Variants in KANK1 observed in about 807,000 individuals in gnomAD.
The protein encoded by KANK1 is KN motif and ankyrin repeat domains 1, also known as KN motif and ankyrin repeat domain-containing protein 1.
KANK1 carries 109 observed loss-of-function variants against 106.2 expected under a neutral mutation model. That is an observed-to-expected ratio of 1.03 (90% CI 0.88 to 1.20). The LOEUF is 1.20. KANK1 is among the 50% of genes most tolerant of loss of function. The probability of loss-of-function intolerance (pLI) is 0.00; values close to 1 mark genes in which losing one functional copy is unlikely to be tolerated. For missense variants in KANK1, 2,399 were observed against 1,710.7 expected, an observed-to-expected ratio of 1.40 and a Z score of -7.10; for synonymous variants, 873 against 652.2, an observed-to-expected ratio of 1.34 and a Z score of -5.16.
chr9:566,555 C>G (rs917001749), intron 1 of KANK1, among the ~76,000 whole-genome samples: 1 of 152,202 alleles, frequency 6.6e-6, no homozygotes, highest in Non-Finnish European at 1.5e-5. Context: ...GCCATTCTGA[C>G]AGGTGCGAGA....
chr9:691,567 A>C (rs1819914419), intron 2 of KANK1, among the ~76,000 whole-genome samples: 2 of 149,928 alleles, frequency 1.3e-5, no homozygotes, highest in East Asian at 3.9e-4. Flanking sequence ...AGCCGATATT[A>C]AATCTTAGTT....
intron 2 of KANK1, among the ~76,000 whole-genome samples, chr9:688,943 C>T (rs1404992253): frequency 6.6e-6 from 1 of 152,112 alleles, no homozygotes; most frequent in Non-Finnish European, 1.5e-5. Context: ...CCACTGTTTT[C>T]TTGGGAAGGT....
intron 2 of KANK1, chr9:706,863 CT>C: frequency 1.0e-6 from 1 of 985,448 alleles, no homozygotes; most frequent in Non-Finnish European, 1.2e-6. Flanking sequence ...GACACAGACT[CT>C]TTCATGAAGC....
intron 2 of KANK1, among the ~76,000 whole-genome samples, chr9:679,005 C>T (rs1472226355): frequency 6.6e-6 from 1 of 152,170 alleles, no homozygotes; most frequent in Non-Finnish European, 1.5e-5. Flanking sequence ...TCCTTTCCAA[C>T]TTGGTTTGTT....
chr9:579,107 A>C (rs1480206418), intron 1 of KANK1, among the ~76,000 whole-genome samples: 1 of 152,206 alleles, frequency 6.6e-6, no homozygotes, highest in African/African-American at 2.4e-5. Context: ...ACAGTTTGGC[A>C]GGGAAGGCAC....
intron 1 of KANK1, among the ~76,000 whole-genome samples, chr9:514,422 A>C: frequency 6.7e-6 from 1 of 150,134 alleles, no homozygotes; most frequent in Non-Finnish European, 1.5e-5. Context: ...CCTTTACCCA[A>C]ATGGAGCCAC....
chr9:587,154 T>G (rs1823693258), intron 1 of KANK1, among the ~76,000 whole-genome samples: 1 of 152,354 alleles, frequency 6.6e-6, no homozygotes, highest in East Asian at 1.9e-4. Context: ...ACATATCGTT[T>G]TTTTCTTTAT....
At chr9:606,622 TTATATA>T (rs1829258221) in intron 1 of KANK1, among the ~76,000 whole-genome samples, 1 of 90,070 alleles carries the variant, frequency 1.1e-5, no homozygotes, top group Non-Finnish European at 3.3e-5. Flanking sequence ...GTGTATATAT[TTATATA>T]TTTATATATA....
chr9:741,114 A>G (rs1416435561), intron 9 of KANK1, among the ~76,000 whole-genome samples, 180 bp downstream of exon 9: 2 of 152,206 alleles, frequency 1.3e-5, no homozygotes, highest in Admixed American at 6.5e-5. Context: ...TACCAGGGAA[A>G]TATGGGCTTA....
In KANK1 at chr9:742,316, G is replaced by T; in HGVS notation, c.3808G>T (p.Ala1270Ser). 12 of 1,614,100 alleles carry T rather than the reference G, an allele frequency of 7.4e-6. No individual in the cohort carries two copies. The highest frequency in any genetic ancestry group is 2.2e-5 in the East Asian group (1 of 44,854). ...CATCCAGGATGACGAGGGCTCCACG[G>T]CCCTCATGTGTGCCAGCGAGCACGG... is the stretch of plus-strand genomic sequence containing the variant. ...VNIQDDEGST[A>S]LMCASEHGHV... Residue 1270 changes from alanine to serine, a missense_variant, in exon 10 of 12, where the codon GCC becomes TCC. Ala to Ser is a moderately conservative substitution (Grantham distance 99, BLOSUM62 1). Transcript: ENST00000382297.
At chr9:487,401 C>T (rs1023989981) in intron 3 of KANK1, among the ~76,000 whole-genome samples, 3 of 152,078 alleles carry the variant, frequency 2.0e-5, no homozygotes, top group Non-Finnish European at 2.9e-5. Flanking sequence ...ATGTTCTGAG[C>T]GATTTAAGGT....
chr9:492,607 TATC>T lies in KANK1; in HGVS notation c.-362+19337_-362+19339del, dbSNP rs57075254. Among the ~76,000 whole-genome samples, 1,452 of 152,296 alleles carry T rather than the reference TATC, an allele frequency of 9.5e-3. 21 individuals carry two copies. The highest frequency in any genetic ancestry group is 0.033 in the African/African-American group (1,388 of 41,544). Reference sequence around the variant, plus strand: ...TGGCATATAGAAAGTACTAAGTAAATATCATTATTTATTATTATTTGAAAAGTT... The same window carrying T: ...TGGCATATAGAAAGTACTAAGTAAATATTATTTATTATTATTTGAAAAGTT... On this transcript the variant is annotated intron_variant, in intron 3 of 15. Coordinates refer to the KANK1 transcript ENST00000382303.
chr9:524,982 C>CTTTTTT (rs35377139), intron 1 of KANK1, among the ~76,000 whole-genome samples: 1,876 of 91,902 alleles, frequency 0.02, 126 homozygotes, highest in Non-Finnish European at 0.029. Context: ...CTCTTGCTGC[C>CTTTTTT]TTTTTTTTTT....
At chr9:490,902 T>C (rs1275140802) in intron 3 of KANK1, among the ~76,000 whole-genome samples, 10 of 151,200 alleles carry the variant, frequency 6.6e-5, no homozygotes, top group Non-Finnish European at 1.5e-4. Flanking sequence ...TGGCAATAAG[T>C]GCTACGAAAA....
At chr9:668,550 T>C (rs1354858483) in intron 1 of KANK1, among the ~76,000 whole-genome samples, 4 of 152,212 alleles carry the variant, frequency 2.6e-5, no homozygotes, top group African/African-American at 7.2e-5. Flanking sequence ...ACTCTTCTCC[T>C]CCTTTCTTCC....
intron 2 of KANK1, chr9:684,574 T>G: frequency 1.0e-6 from 1 of 985,428 alleles, no homozygotes. Context: ...GACTTCTCGT[T>G]GTGAGTATTG....
At chr9:693,265 C>A in intron 2 of KANK1, 1 of 469,008 alleles carries the variant, frequency 2.1e-6, no homozygotes, top group Non-Finnish European at 2.8e-6. Context: ...AGCCTCGGTT[C>A]AGCATAAAAC....
chr9:621,606 GA>G (rs1411472926), intron 1 of KANK1, among the ~76,000 whole-genome samples: 1 of 152,156 alleles, frequency 6.6e-6, no homozygotes, highest in African/African-American at 2.4e-5. Flanking sequence ...TTCTAAGTCT[GA>G]AACTTGATAA....
At chr9:495,836 G>C (rs543512490) in intron 3 of KANK1, among the ~76,000 whole-genome samples, 1 of 152,284 alleles carries the variant, frequency 6.6e-6, no homozygotes, top group South Asian at 2.1e-4. Context: ...TCAGTTGTTT[G>C]AAACCTGCTG....
Sources: allele counts gnomAD v4.1 joint callset (sites outside exome capture counted in the v4.1 genomes callset), GRCh38; gene constraint gnomAD v4.1.1; transcripts MANE v1.5; gene names NCBI Gene and HGNC (gene_info 2026-07-23, HGNC 2026-07-21).